MYEF2: variants seen among roughly 807,000 people sequenced by gnomAD.
The protein encoded by MYEF2 is myelin gene expression factor 2.
Under a neutral mutation model 75.2 loss-of-function variants are expected in MYEF2, and 37 were observed. That is an observed-to-expected ratio of 0.49 (90% CI 0.38 to 0.65). The LOEUF is 0.65. MYEF2 is among the 30% of genes least tolerant of loss of function. The pLI, the probability that MYEF2 is intolerant of heterozygous loss-of-function variation, is 0.00. For synonymous variants in MYEF2, 195 were observed against 241.6 expected, an observed-to-expected ratio of 0.81 and a Z score of 1.79; for missense variants, 634 against 771.4, an observed-to-expected ratio of 0.82 and a Z score of 2.11.
chr15:48,155,199 AG>A (rs2039647675), intron 9 of MYEF2, among the ~76,000 whole-genome samples: 1 of 152,104 alleles, frequency 6.6e-6, no homozygotes, highest in African/African-American at 2.4e-5. Context: ...TGCCTGAAAC[AG>A]TAAAAAAATA....
At chr15:48,159,838 A>C in intron 5 of MYEF2, 34 bp from the exon 6 acceptor site, 1 of 1,560,742 alleles carries the variant, frequency 6.4e-7, no homozygotes, top group Admixed American at 1.9e-5. Context: ...ATTCCACTAA[A>C]TACATCACTA....
intron 6 of MYEF2, among the ~76,000 whole-genome samples, 190 bp from the exon 7 acceptor site, chr15:48,159,112 C>T (rs1242068938): frequency 6.6e-6 from 1 of 151,988 alleles, no homozygotes; most frequent in East Asian, 1.9e-4. Context: ...TACATTGTTC[C>T]TTATCCTTAT....
In MYEF2 at chr15:48,147,559, G is replaced by A. The variant is rs184305479; in HGVS notation, c.1639+1473C>T. On this transcript the variant is annotated intron_variant, in intron 16 of 16. Transcript: ENST00000324324. ...TTCCTCTGTAGTCTACAGGATTCAT[G>A]GCCAGACACTGCTTACTCATTCTGG... Among the ~76,000 whole-genome samples the A allele has an allele frequency of 3.0e-4, 45 of 151,772 alleles. No individual in the cohort carries two copies. In the East Asian group the frequency reaches 3.1e-3, roughly 10 times the overall value.
chr15:48,169,257 G>C (rs996175957), intron 1 of MYEF2, among the ~76,000 whole-genome samples: 4 of 152,100 alleles, frequency 2.6e-5, no homozygotes, highest in Admixed American at 1.3e-4. Flanking sequence ...AACTTACACA[G>C]TGATACTCTG....
rs150207561 is a variant in MYEF2 at position 48,159,777 on chromosome 15, C to T, written c.553G>A (p.Ala185Thr). The change falls in exon 6 of 17, where the codon GCA (alanine) becomes ACA (threonine). Residue 185 changes from alanine (A) to threonine (T), a missense_variant. By Grantham distance (58) the Ala-to-Thr change is moderately conservative (BLOSUM62 0). Coordinates refer to ENST00000324324, the MANE Select transcript of MYEF2 (RefSeq NM_016132.5). ...AATGATCCTCCTGTTCGCTGCAATG[C>T]CCTACGAGCATTTTCTCCATCAGGA... Reference protein sequence around the residue: ...EDPDGENARRALQRTGGSFPG... With the variant: ...EDPDGENARRTLQRTGGSFPG... 3 of 1,613,046 alleles carry T rather than the reference C, an allele frequency of 1.9e-6. No homozygotes were observed. Among genetic ancestry groups the T allele is most frequent in the Non-Finnish European group, 2.5e-6 (3 of 1,179,620 alleles).
intron 16 of MYEF2, among the ~76,000 whole-genome samples, chr15:48,143,897 G>A (rs1228279035): frequency 1.3e-5 from 2 of 152,026 alleles, no homozygotes; most frequent in African/African-American, 4.8e-5. Flanking sequence ...ACACTTTTGA[G>A]AGTAAAAGGG....
chr15:48,141,120 A>C lies in MYEF2; in HGVS notation c.*1788T>G. 1 of 1,611,956 alleles carries C rather than the reference A, an allele frequency of 6.2e-7. No homozygotes were observed. On this transcript the variant is annotated 3_prime_UTR_variant, in exon 17 of 17. Coordinates refer to ENST00000324324, the MANE Select transcript of MYEF2 (RefSeq NM_016132.5). ...AATATCTGTTTATTACAGGGGAAACACTAGAAATTCCCGATACAGTAATGG... is the reference window on the plus strand; with the variant it reads ...AATATCTGTTTATTACAGGGGAAACCCTAGAAATTCCCGATACAGTAATGG...
At position 48,136,793 on chromosome 15, in the gene MYEF2, G is replaced by C. The variant is rs1380079515; in HGVS notation, c.*6115C>G. ...AAGAAATGCAGTCCTTGCTGCGCCT[G>C]TCTTGCCAAAGCTATGGAGAGAAGT... is the stretch of plus-strand genomic sequence containing the variant. On this transcript the variant is annotated 3_prime_UTR_variant, in exon 17 of 17. Coordinates refer to ENST00000324324, the MANE Select transcript of MYEF2 (RefSeq NM_016132.5). 4 of 1,613,724 alleles carry C rather than the reference G, an allele frequency of 2.5e-6. No homozygotes were observed. Among genetic ancestry groups the C allele is most frequent in the Non-Finnish European group, 3.4e-6 (4 of 1,179,860 alleles).
At chr15:48,175,518 A>T (rs2040487292) in intron 1 of MYEF2, among the ~76,000 whole-genome samples, 1 of 152,164 alleles carries the variant, frequency 6.6e-6, no homozygotes, top group East Asian at 1.9e-4. Flanking sequence ...AATTAGCGTG[A>T]TTGTGGTAAT....
intron 1 of MYEF2, among the ~76,000 whole-genome samples, chr15:48,170,738 G>A (rs981097754): frequency 6.6e-6 from 1 of 152,100 alleles, no homozygotes; most frequent in Non-Finnish European, 1.5e-5. Flanking sequence ...CTTCTTTGTA[G>A]GTAACACAGC....
intron 5 of MYEF2, among the ~76,000 whole-genome samples, chr15:48,165,549 C>T (rs745560690): frequency 6.6e-6 from 1 of 151,944 alleles, no homozygotes; most frequent in Admixed American, 6.6e-5. Context: ...AAATCCATAA[C>T]ATATTTGCAT....
chr15:48,158,400 G>A (rs1030832500), intron 7 of MYEF2, among the ~76,000 whole-genome samples, 176 bp from the exon 8 acceptor site: 4 of 151,832 alleles, frequency 2.6e-5, no homozygotes, highest in African/African-American at 4.8e-5. Context: ...TTTGCTTTAC[G>A]GTTTTATTTC....
Position 48,158,813 on chromosome 15 carries a change from C to G in MYEF2, c.827G>C (p.Gly276Ala). 6.2e-7 allele frequency: 1 copy of G among 1,613,726 alleles called. No individual in the cohort carries two copies. Among genetic ancestry groups the G allele is most frequent in the Non-Finnish European group, 8.5e-7 (1 of 1,179,736 alleles). The change falls in exon 7 of 17, where the codon GGC becomes GCC. Residue 276 changes from glycine to alanine, a missense_variant. Physicochemically the swap from Gly to Ala is moderately conservative, Grantham distance 60 (BLOSUM62 0). Coordinates refer to ENST00000324324, the MANE Select transcript of MYEF2 (RefSeq NM_016132.5). ...EDKDGKSRGM[G>A]TVTFEQAIEA... The stretch of plus-strand genomic sequence containing the variant: ...AATTGCTTGCTCAAAAGTGACAGTG[C>G]CCATTCCTCTGCTCTTGCCATCTTT...
At chr15:48,162,448 G>A (rs1159738048) in intron 5 of MYEF2, among the ~76,000 whole-genome samples, 1 of 152,140 alleles carries the variant, frequency 6.6e-6, no homozygotes, top group Non-Finnish European at 1.5e-5. Flanking sequence ...GAAAGTTTAA[G>A]TAATTTGCCC....
Position 48,155,015 on chromosome 15 carries a change from G to A in MYEF2, c.986-1122C>T, listed in dbSNP as rs2039638740. 2.0e-5 allele frequency among the ~76,000 whole-genome samples: 3 copies of A among 152,088 alleles called. No individual in the cohort carries two copies. The South Asian group carries it at 6.2e-4, about 32-fold the overall frequency. ...AAATATCCAGAAGAATCCAAGATAGGAGTAAAATAAGTATTTGTAAGACAA... is the reference window on the plus strand; with the variant it reads ...AAATATCCAGAAGAATCCAAGATAGAAGTAAAATAAGTATTTGTAAGACAA... On this transcript the variant is annotated intron_variant, in intron 9 of 16. Transcript: ENST00000324324.
At chr15:48,158,143 G>T (rs1306941720) in intron 8 of MYEF2, 32 bp downstream of exon 8, 1 of 1,612,120 alleles carries the variant, frequency 6.2e-7, no homozygotes, top group Non-Finnish European at 8.5e-7. Context: ...ATCTGAAGAG[G>T]TTGGAGGTTG....
At chr15:48,163,907 C>T (rs1006179171) in intron 5 of MYEF2, among the ~76,000 whole-genome samples, 1 of 152,042 alleles carries the variant, frequency 6.6e-6, no homozygotes, top group African/African-American at 2.4e-5. Flanking sequence ...AAAAAAAAAT[C>T]CTTTTGAAAT....
chr15:48,159,350 T>C (rs2039841973), intron 6 of MYEF2, among the ~76,000 whole-genome samples: 1 of 152,068 alleles, frequency 6.6e-6, no homozygotes, highest in Admixed American at 6.6e-5. Flanking sequence ...ACATATAATT[T>C]CAAGAACTGC....
chr15:48,152,107 G>T, intron 11 of MYEF2, 127 bp downstream of exon 11: 1 of 1,181,742 alleles, frequency 8.5e-7, no homozygotes, highest in Non-Finnish European at 1.3e-6. Flanking sequence ...CTCAATTTCT[G>T]CTAGCAGCCT....
Sources: gnomAD v4.1 joint callset for allele counts (sites outside exome capture counted in the v4.1 genomes callset) on GRCh38, gnomAD v4.1.1 for gene constraint, MANE v1.5 for transcripts, NCBI Gene and HGNC (gene_info 2026-07-23, HGNC 2026-07-21) for gene names.